The following SORCS1 variants were observed in gnomAD, a reference collection of about 807,000 sequenced individuals.
The protein encoded by SORCS1 is VPS10 domain-containing receptor SorCS1.
SORCS1 carries 60 observed loss-of-function variants against 146.1 expected under a neutral mutation model. That is an observed-to-expected ratio of 0.41 (90% CI 0.33 to 0.51). The LOEUF is 0.51. Ranked by LOEUF, SORCS1 falls within the 20% of genes least tolerant of loss-of-function variation. The pLI, the probability that SORCS1 is intolerant of heterozygous loss-of-function variation, is 0.21. For missense variants in SORCS1, 1,352 were observed against 1,487.6 expected, an observed-to-expected ratio of 0.91 and a Z score of 1.50; for synonymous variants, 637 against 584.0, an observed-to-expected ratio of 1.09 and a Z score of -1.31.
chr10:107,100,947 C>T (rs1361559914), intron 1 of SORCS1, among the ~76,000 whole-genome samples: 1 of 152,180 alleles, frequency 6.6e-6, no homozygotes, highest in Non-Finnish European at 1.5e-5. Flanking sequence ...GGCTGCAGAG[C>T]AGTGATGCAA....
At chr10:106,698,368 T>A (rs1853868120) in intron 9 of SORCS1, among the ~76,000 whole-genome samples, 1 of 152,232 alleles carries the variant, frequency 6.6e-6, no homozygotes, top group Non-Finnish European at 1.5e-5. Context: ...CATTTTAGAT[T>A]TTTTTCAGCT....
At chr10:106,697,638 C>T (rs1339013313) in intron 9 of SORCS1, among the ~76,000 whole-genome samples, 1 of 152,174 alleles carries the variant, frequency 6.6e-6, no homozygotes, top group East Asian at 1.9e-4. Flanking sequence ...TGCTTGAACA[C>T]ATTGGAAAAT....
At chr10:107,014,498 C>T (rs1019181274) in intron 1 of SORCS1, among the ~76,000 whole-genome samples, 6 of 152,086 alleles carry the variant, frequency 3.9e-5, no homozygotes, top group African/African-American at 1.4e-4. Context: ...CTAGGAATTG[C>T]CAAAATGCTT....
In SORCS1 at chr10:106,815,014, C is replaced by G. The variant is rs549691044; in HGVS notation, c.726+14560G>C. Among the ~76,000 whole-genome samples, 9 of 151,010 alleles carry G rather than the reference C, an allele frequency of 6.0e-5. No homozygotes were observed. In the East Asian group the frequency reaches 1.6e-3, roughly 26 times the overall value. On this transcript the variant is annotated intron_variant, in intron 3 of 25. Coordinates refer to ENST00000263054, the MANE Select transcript of SORCS1 (RefSeq NM_052918.5). ...TCACTCTGTTGCCTAAGCTGGAGTG[C>G]AGTGGCATGACTTCGGCTCCCTGCA...
intron 3 of SORCS1, among the ~76,000 whole-genome samples, chr10:106,790,265 G>A (rs1946251296): frequency 6.6e-6 from 1 of 152,102 alleles, no homozygotes; most frequent in Non-Finnish European, 1.5e-5. Context: ...ATTTGTTACT[G>A]TAACATCAGA....
At chr10:107,107,891 C>T (rs1272531058) in intron 1 of SORCS1, among the ~76,000 whole-genome samples, 2 of 152,230 alleles carry the variant, frequency 1.3e-5, no homozygotes, top group Non-Finnish European at 1.5e-5. Context: ...CACACTAGTA[C>T]ATTGGCAGAC....
chr10:107,064,263 A>G lies in SORCS1; in HGVS notation c.558+99706T>C, dbSNP rs540473972. 2.0e-5 allele frequency among the ~76,000 whole-genome samples: 3 copies of G among 152,304 alleles called. No homozygotes were observed. The South Asian group carries it at 6.2e-4, about 32-fold the overall frequency. On this transcript the variant is annotated intron_variant, in intron 1 of 25. Transcript: ENST00000263054. ...AATCCTAAACCCCGATCTGGAAGGG[A>G]CATTAGAAATGATTTATCCTTATTT...
chr10:107,018,599 T>C (rs1008113793), intron 1 of SORCS1, among the ~76,000 whole-genome samples: 3 of 152,118 alleles, frequency 2.0e-5, no homozygotes, highest in African/African-American at 4.8e-5. Flanking sequence ...TAAGCTTGTA[T>C]GCTTTTCTTT....
chr10:107,049,306 T>C (rs1281577226), intron 1 of SORCS1, among the ~76,000 whole-genome samples: 2 of 144,196 alleles, frequency 1.4e-5, no homozygotes, highest in African/African-American at 5.1e-5. Context: ...CATTAGGAGA[T>C]ATACCTAATG....
intron 2 of SORCS1, among the ~76,000 whole-genome samples, chr10:106,902,052 A>T (rs1951730188): frequency 6.6e-6 from 1 of 152,114 alleles, no homozygotes; most frequent in South Asian, 2.1e-4. Context: ...TCAAAAAAAA[A>T]AAAATTAGAT....
chr10:106,930,032 G>C (rs1953319481), intron 2 of SORCS1, among the ~76,000 whole-genome samples: 2 of 152,184 alleles, frequency 1.3e-5, no homozygotes, highest in African/African-American at 4.8e-5. Context: ...GGATCACAAG[G>C]TCAGGAGATT....
chr10:106,803,995 T>G (rs771413033), intron 3 of SORCS1, among the ~76,000 whole-genome samples: 38 of 152,130 alleles, frequency 2.5e-4, no homozygotes, highest in Non-Finnish European at 5.1e-4. Flanking sequence ...CAGGAGACTA[T>G]GGGGCCAATT....
chr10:107,031,208 C>T (rs74154829), intron 1 of SORCS1, among the ~76,000 whole-genome samples: 6,124 of 152,256 alleles, frequency 0.04, 351 homozygotes, highest in African/African-American at 0.13. Flanking sequence ...ACCCCTGGAC[C>T]ATGAGAATTA....
intron 4 of SORCS1, among the ~76,000 whole-genome samples, chr10:106,764,147 T>TA (rs1275325102): frequency 1.3e-5 from 2 of 152,208 alleles, no homozygotes; most frequent in Admixed American, 6.5e-5. Flanking sequence ...CAAAACCCTA[T>TA]AAATATCAGT....
In SORCS1 at chr10:106,970,888, G is replaced by A. The variant is rs1955749598; in HGVS notation, c.559-14308C>T. Among the ~76,000 whole-genome samples, 6 of 145,340 alleles carry A rather than the reference G, an allele frequency of 4.1e-5. No individual in the cohort carries two copies. The South Asian group carries it at 6.6e-4, about 16-fold the overall frequency. Reference sequence around the variant, plus strand: ...CAAGTAGCTGGGATTACAGGCACCCGCCACCATGCACAGCTAATTTTTTTT... The same window carrying A: ...CAAGTAGCTGGGATTACAGGCACCCACCACCATGCACAGCTAATTTTTTTT... On this transcript the variant is annotated intron_variant, in intron 1 of 25. Transcript: ENST00000263054.
the SORCS1 span, among the ~76,000 whole-genome samples, chr10:107,178,078 A>C: frequency 6.6e-6 from 1 of 152,142 alleles, no homozygotes; most frequent in African/African-American, 2.4e-5. Flanking sequence ...TGATGGGATG[A>C]TCTCTGCAGC....
At chr10:106,985,050 G>A (rs1235950168) in intron 1 of SORCS1, among the ~76,000 whole-genome samples, 3 of 152,050 alleles carry the variant, frequency 2.0e-5, no homozygotes, top group Admixed American at 2.0e-4. Flanking sequence ...AGCTGGGCAT[G>A]GTGGTGCACA....
chr10:106,986,135 G>T (rs909618956), intron 1 of SORCS1, among the ~76,000 whole-genome samples: 2 of 151,932 alleles, frequency 1.3e-5, no homozygotes, highest in African/African-American at 4.8e-5. Context: ...CTAAATGTGG[G>T]TTCCTGTATA....
intron 1 of SORCS1, among the ~76,000 whole-genome samples, chr10:107,142,678 A>C (rs1328669811): frequency 2.6e-5 from 4 of 152,166 alleles, no homozygotes; most frequent in African/African-American, 9.7e-5. Context: ...ACTTCAGTCT[A>C]ATGTCCAGTT....
Sources: gnomAD v4.1 joint callset for allele counts (sites outside exome capture counted in the v4.1 genomes callset) on GRCh38, gnomAD v4.1.1 for gene constraint, MANE v1.5 for transcripts, NCBI Gene and HGNC (gene_info 2026-07-23, HGNC 2026-07-21) for gene names.